The following WNK1 variants were observed in gnomAD, a reference collection of about 807,000 sequenced individuals.
The protein encoded by WNK1 is WNK lysine deficient protein kinase 1, also known as serine/threonine-protein kinase WNK1.
Under a neutral mutation model 222.8 loss-of-function variants are expected in WNK1, and 38 were observed. The ratio of observed to expected loss-of-function variants is 0.17; its 90% CI spans 0.13 to 0.22. WNK1 has a LOEUF of 0.22. Ranked by LOEUF, WNK1 falls within the 10% of genes least tolerant of loss-of-function variation. The pLI is 1.00. For missense variants in WNK1, 2,348 were observed against 2,918.4 expected, an observed-to-expected ratio of 0.80 and a Z score of 4.50; for synonymous variants, 1,090 against 1,092.9, an observed-to-expected ratio of 1.00 and a Z score of 0.05.
chr12:901,521 TCTC>T (rs1189098183), intron 26 of WNK1: 25 of 1,268,040 alleles, frequency 2.0e-5, no homozygotes, highest in African/African-American at 3.1e-5. Flanking sequence ...TTCTGTCTCT[TCTC>T]CTCTCTCTGT....
At chr12:882,385 G>A (rs1357497747) in intron 14 of WNK1, among the ~76,000 whole-genome samples, 1 of 151,978 alleles carries the variant, frequency 6.6e-6, no homozygotes, top group Non-Finnish European at 1.5e-5. Flanking sequence ...TTTTAGTAGA[G>A]ACAGGGTTTC....
In WNK1 at chr12:909,126, A is replaced by C; in HGVS notation, c.*334A>C. On this transcript the variant is annotated 3_prime_UTR_variant, in exon 28 of 28. Coordinates refer to ENST00000315939, the MANE Select transcript of WNK1 (RefSeq NM_018979.4). ...GCTGGAGAACTCAATGTAAAATCAA[A>C]CCCATCTGTAATTTCGAGTGGGTGG... 3.3e-6 allele frequency: 1 copy of C among 307,282 alleles called. No homozygotes were observed. The highest frequency in any genetic ancestry group is 3.6e-5 in the South Asian group (1 of 27,798). 19.0% of individuals were successfully genotyped at this position (307,282 alleles called of 1,614,324 possible). A position where few individuals can be genotyped will look rare whatever the true frequency, so the allele number is the denominator to read the frequency against.
intron 5 of WNK1, 25 bp from the exon 6 acceptor site, chr12:859,220 C>G (rs1454148845): frequency 1.3e-6 from 2 of 1,580,778 alleles, no homozygotes; most frequent in African/African-American, 1.4e-5. Context: ...ATTTTTGTTC[C>G]TTTTCTTTTC....
intron 4 of WNK1, among the ~76,000 whole-genome samples, chr12:840,414 G>A (rs899052141): frequency 4.6e-5 from 7 of 150,924 alleles, no homozygotes; most frequent in South Asian, 2.1e-4. Flanking sequence ...TTACATTTAC[G>A]AGTACCATGA....
intron 1 of WNK1, 118 bp downstream of exon 1, chr12:754,442 G>A: frequency 7.6e-7 from 1 of 1,311,478 alleles, no homozygotes; most frequent in Non-Finnish European, 1.1e-6. Context: ...AGTGGGACGG[G>A]GAGGCCAACT....
intron 9 of WNK1, among the ~76,000 whole-genome samples, chr12:875,627 A>AG (rs1296585363): frequency 2.0e-5 from 3 of 152,026 alleles, no homozygotes; most frequent in African/African-American, 7.3e-5. Flanking sequence ...TATAAGAGAA[A>AG]GGAAAAAAAA....
In WNK1 at chr12:879,662, T is replaced by C. The variant is rs760254906; in HGVS notation, c.2463T>C (p.Gly821=). 3.7e-6 allele frequency: 6 copies of C among 1,613,856 alleles called. No homozygotes were observed. The highest frequency in any genetic ancestry group is 5.1e-6 in the Non-Finnish European group (6 of 1,179,966). The change falls in exon 11 of 28, where the codon GGT becomes GGC. Residue 821 remains glycine, a synonymous_variant. Transcript: ENST00000315939. ...TQPSVVPVHS[G]AHFLPVGQPL... ...CCTCGGTTGTTCCAGTCCACTCTGG[T>C]GCTCATTTCCTTCCAGTGGGACAGC...
chr12:755,017 T>C (rs1939786588), intron 1 of WNK1, among the ~76,000 whole-genome samples: 3 of 149,036 alleles, frequency 2.0e-5, no homozygotes, highest in Admixed American at 1.4e-4. Flanking sequence ...TCATCATCAT[T>C]GTTTTAATCT....
chr12:777,858 GTGTT>G (rs1311430030), intron 1 of WNK1, among the ~76,000 whole-genome samples: 2 of 152,168 alleles, frequency 1.3e-5, no homozygotes, highest in Admixed American at 6.5e-5. Context: ...TTTATCATCT[GTGTT>G]TGTTTGCTGT....
intron 1 of WNK1, among the ~76,000 whole-genome samples, chr12:799,925 T>C (rs59961221): frequency 0.042 from 6,383 of 152,162 alleles, 349 homozygotes; most frequent in African/African-American, 0.12. Context: ...CCTCAAGTGA[T>C]CCACCTGCCT....
chr12:864,523 T>C (rs1185175379), intron 8 of WNK1, among the ~76,000 whole-genome samples: 1 of 152,232 alleles, frequency 6.6e-6, no homozygotes, highest in East Asian at 1.9e-4. Flanking sequence ...GCTAAACTTT[T>C]TCCTAGTAGA....
chr12:874,647 A>G (rs1327466229), intron 9 of WNK1, among the ~76,000 whole-genome samples: 1 of 152,160 alleles, frequency 6.6e-6, no homozygotes, highest in Non-Finnish European at 1.5e-5. Flanking sequence ...TCTAAAAAAC[A>G]AATAAGGATA....
rs750159327 is a variant in WNK1, at chr12:881,753, C to G, written c.3173C>G (p.Ala1058Gly). The change falls in exon 13 of 28, where the codon GCT becomes GGT. Residue 1058 changes from alanine to glycine, a missense_variant. Ala to Gly is a moderately conservative substitution (Grantham distance 60). Coordinates refer to ENST00000315939, the MANE Select transcript of WNK1 (RefSeq NM_018979.4). ...AEPVAVAQTQ[A>G]TQPTTLASSV... ...CCAGTTGCAGTAGCACAGACCCAAGCTACCCAGCCGACCACTTTGGCTTCC... is the reference window on the plus strand; with the variant it reads ...CCAGTTGCAGTAGCACAGACCCAAGGTACCCAGCCGACCACTTTGGCTTCC... The G allele has an allele frequency of 2.5e-6, 4 of 1,614,188 alleles. No homozygotes were observed. Among genetic ancestry groups the G allele is most frequent in the Non-Finnish European group, 3.4e-6 (4 of 1,180,036 alleles).
intron 8 of WNK1, chr12:867,769 C>T (rs993917246): frequency 1.7e-4 from 217 of 1,308,550 alleles, no homozygotes; most frequent in South Asian, 7.0e-4. Flanking sequence ...TTAGTGTAAC[C>T]ATTTCATAGG....
At chr12:849,600 G>T (rs1010568795) in intron 4 of WNK1, among the ~76,000 whole-genome samples, 11 of 152,020 alleles carry the variant, frequency 7.2e-5, no homozygotes, top group African/African-American at 2.7e-4. Flanking sequence ...AAGTTTTAGG[G>T]TACATGTGCA....
In WNK1 at chr12:753,832, T is replaced by A. The variant is rs1431023706; in HGVS notation, c.267T>A (p.Asn89Lys). The A allele has an allele frequency of 6.2e-7, 1 of 1,612,626 alleles. No homozygotes were observed. Among genetic ancestry groups the A allele is most frequent in the East Asian group, 2.2e-5 (1 of 44,884 alleles). The change falls in exon 1 of 28, where the codon AAT becomes AAA. Residue 89 changes from asparagine to lysine, a missense_variant. Physicochemically the swap from Asn to Lys is moderately conservative, Grantham distance 94. Around this residue, in one of 13 missense-constraint regions of WNK1, gnomAD observed 185 missense variants for 159.2 expected, o/e 1.16. Transcript: ENST00000315939. The surrounding 1 kb of genome is among the most constrained non-coding windows in gnomAD (Gnocchi z 5.2). Reference protein sequence around the residue: ...FFRRSVICDSNATALELPGLP... With the variant: ...FFRRSVICDSKATALELPGLP... ...GCCGGAGCGTCATCTGTGACTCCAA[T>A]GCCACTGCACTGGAGCTTCCCGGCC...
intron 2 of WNK1, among the ~76,000 whole-genome samples, chr12:824,691 A>C (rs1396112199): frequency 1.3e-5 from 2 of 152,168 alleles, no homozygotes; most frequent in Admixed American, 6.5e-5. Context: ...GAAGTAATAT[A>C]AAGTTCATAG....
At chr12:872,137 A>T (rs1024346377) in intron 9 of WNK1, among the ~76,000 whole-genome samples, 4 of 151,736 alleles carry the variant, frequency 2.6e-5, no homozygotes, top group South Asian at 4.2e-4. Flanking sequence ...ATTTATTTTT[A>T]TTTATTTTGA....
chr12:780,033 G>A (rs1303406977), intron 1 of WNK1, among the ~76,000 whole-genome samples: 5 of 152,092 alleles, frequency 3.3e-5, no homozygotes, highest in Admixed American at 6.6e-5. Context: ...TTTCTTTATG[G>A]AAATAATTTG....
Sources: gnomAD v4.1 joint callset for allele counts (sites outside exome capture counted in the v4.1 genomes callset) on GRCh38, gnomAD v4.1.1 for gene constraint, gnomAD v4.1.1 regional missense constraint, Gnocchi (gnomAD v3.1) non-coding constraint, MANE v1.5 for transcripts, NCBI Gene and HGNC (gene_info 2026-07-23, HGNC 2026-07-21) for gene names.